The following AMACR variants were observed in gnomAD, a reference collection of about 807,000 sequenced individuals.
The protein encoded by AMACR is 2-methylacyl-CoA racemase.
Under a neutral mutation model 22.2 loss-of-function variants are expected in AMACR, and 18 were observed. The ratio of observed to expected loss-of-function variants is 0.81; its 90% CI spans 0.56 to 1.20. The LOEUF is 1.20. AMACR is among the 50% of genes most tolerant of loss of function. The probability of loss-of-function intolerance (pLI) is 0.00; values close to 1 mark genes in which losing one functional copy is unlikely to be tolerated. For synonymous variants in AMACR, 213 were observed against 191.3 expected, an observed-to-expected ratio of 1.11 and a Z score of -0.94; for missense variants, 499 against 490.6, an observed-to-expected ratio of 1.02 and a Z score of -0.16.
chr5:33,986,584 C>A lies in AMACR; in HGVS notation c.*2509G>T, dbSNP rs1005135076. On this transcript the variant is annotated 3_prime_UTR_variant, in exon 5 of 5. Transcript: ENST00000335606. The stretch of plus-strand genomic sequence containing the variant: ...CTTTGGTGCTCTTTATCTTATGGGG[C>A]TACATTTCCAGGGTTCCCTTGTTTT... 6.6e-6 allele frequency: 1 copy of A among 152,220 alleles called. No homozygotes were observed. Among genetic ancestry groups the A allele is most frequent in the Admixed American group, 6.5e-5 (1 of 15,284 alleles). The allele number at this position is 152,220 out of a possible 1,614,324, so 9.4% of individuals were successfully genotyped here.
intron 1 of AMACR, 112 bp from the exon 2 acceptor site, chr5:34,006,011 T>A: frequency 7.8e-7 from 1 of 1,287,288 alleles, no homozygotes; most frequent in Non-Finnish European, 1.1e-6. Flanking sequence ...TAATAACATT[T>A]GCTGTAGGCT....
At chr5:34,005,312 T>TG (rs1301536257) in intron 2 of AMACR, among the ~76,000 whole-genome samples, 1 of 151,978 alleles carries the variant, frequency 6.6e-6, no homozygotes, top group Non-Finnish European at 1.5e-5. Flanking sequence ...CCATGGGCTT[T>TG]TTTTAGTGCT....
intron 4 of AMACR, among the ~76,000 whole-genome samples, chr5:33,990,101 T>C (rs1753430340): frequency 1.3e-5 from 2 of 151,990 alleles, no homozygotes; most frequent in Admixed American, 1.3e-4. Flanking sequence ...GCCCAGGAGT[T>C]CAAGGCCCAG....
At chr5:33,997,479 G>T (rs544292559) in intron 4 of AMACR, 1 of 779,682 alleles carries the variant, frequency 1.3e-6, no homozygotes, top group South Asian at 1.3e-5. Context: ...GCACGATACT[G>T]CTTCCTGTTG....
chr5:33,986,664 G>A lies in AMACR; in HGVS notation c.*2429C>T, dbSNP rs1199423049. On this transcript the variant is annotated 3_prime_UTR_variant, in exon 5 of 5. Transcript: ENST00000335606. ...AGACACTGGTAGGAAGACTAGGGGA[G>A]AGAGAGAAGGAAAGAAGCCAGGATA... 6.6e-6 allele frequency: 1 copy of A among 152,210 alleles called. No individual in the cohort carries two copies. Among genetic ancestry groups the A allele is most frequent in the African/African-American group, 2.4e-5 (1 of 41,444 alleles). 9.4% of individuals were successfully genotyped at this position (152,210 alleles called of 1,614,324 possible).
intron 4 of AMACR, among the ~76,000 whole-genome samples, chr5:33,993,187 G>C (rs1753535531): frequency 6.6e-6 from 1 of 152,006 alleles, no homozygotes; most frequent in South Asian, 2.1e-4. Context: ...TTAGCCCTTT[G>C]GTGACTGACT....
intron 4 of AMACR, among the ~76,000 whole-genome samples, chr5:33,997,979 TCA>T (rs1172542866): frequency 6.6e-6 from 1 of 152,198 alleles, no homozygotes; most frequent in Non-Finnish European, 1.5e-5. Context: ...TCACATCACT[TCA>T]GAGTATATTC....
chr5:33,991,630 T>G (rs998085828), intron 4 of AMACR, among the ~76,000 whole-genome samples: 4 of 152,054 alleles, frequency 2.6e-5, no homozygotes, highest in African/African-American at 9.7e-5. Context: ...GCCATAAACT[T>G]TACTGCTTTA....
chr5:33,996,061 T>C (rs1753623326), intron 4 of AMACR, among the ~76,000 whole-genome samples: 1 of 152,040 alleles, frequency 6.6e-6, no homozygotes, highest in Non-Finnish European at 1.5e-5. Context: ...CCCAGAGAAC[T>C]GTCATTATTT....
chr5:33,997,075 AC>A, intron 4 of AMACR: 1 of 744,528 alleles, frequency 1.3e-6, no homozygotes, highest in South Asian at 1.4e-5. Context: ...CTTAGGTTTT[AC>A]CCATTCATCA....
At chr5:34,005,638 CTT>C (rs1753948860) in intron 2 of AMACR, 116 bp downstream of exon 2, 1 of 1,293,510 alleles carries the variant, frequency 7.7e-7, no homozygotes. Context: ...CCCATGCTCT[CTT>C]GATTGATTCT....
At chr5:33,997,725 T>A (rs940062335) in intron 4 of AMACR, 47 of 568,918 alleles carry the variant, frequency 8.3e-5, no homozygotes, top group Admixed American at 7.0e-5. Flanking sequence ...CATTGTGTTC[T>A]TCTATAGTTT....
intron 4 of AMACR, among the ~76,000 whole-genome samples, chr5:33,992,443 C>G (rs1447876630): frequency 6.6e-6 from 1 of 151,666 alleles, no homozygotes; most frequent in Admixed American, 6.6e-5. Flanking sequence ...TGTAGTGGCT[C>G]ACGCCTGTAA....
At chr5:33,997,181 A>G (rs1753664069) in intron 4 of AMACR, 1 of 752,750 alleles carries the variant, frequency 1.3e-6, no homozygotes, top group Non-Finnish European at 2.5e-6. Flanking sequence ...CTGTTTTGTC[A>G]TACCCTATAT....
chr5:34,007,201 G>GACC (rs1350179514), intron 1 of AMACR, among the ~76,000 whole-genome samples: 1 of 152,238 alleles, frequency 6.6e-6, no homozygotes, highest in African/African-American at 2.4e-5. Context: ...CGATGCCCAG[G>GACC]ACCTGTGTAT....
In AMACR at chr5:33,988,218, CTTCT is replaced by C; in HGVS notation, c.*871_*874del. ...TGGTTTTATGTAAAGACAATCCCGT[CTTCT>C]TTGTCAAAGACAGGTATAAGAAAGG... On this transcript the variant is annotated 3_prime_UTR_variant, in exon 5 of 5. Transcript: ENST00000335606. 3.3e-6 allele frequency: 4 copies of C among 1,205,558 alleles called. No individual in the cohort carries two copies. Among genetic ancestry groups the C allele is most frequent in the Middle Eastern group, 3.8e-4 (2 of 5,226 alleles). The allele number at this position is 1,205,558 out of a possible 1,614,324, so 74.7% of individuals were successfully genotyped here.
intron 4 of AMACR, among the ~76,000 whole-genome samples, chr5:33,992,066 A>G (rs1434466194): frequency 6.6e-6 from 1 of 151,958 alleles, no homozygotes; most frequent in Non-Finnish European, 1.5e-5. Flanking sequence ...TTTTTAGTAG[A>G]GATGGGGTTT....
intron 4 of AMACR, among the ~76,000 whole-genome samples, chr5:33,994,468 G>A (rs906866831): frequency 5.3e-5 from 8 of 152,138 alleles, no homozygotes; most frequent in South Asian, 4.1e-4. Context: ...CATAGCCATC[G>A]CACCTGGCCC....
rs1753957978 is a variant in AMACR at position 34,005,883 on chromosome 5, G to T, written c.264C>A (p.Leu88=). The T allele has an allele frequency of 6.2e-7, 1 of 1,614,148 alleles. No individual in the cohort carries two copies. The highest frequency in any genetic ancestry group is 8.5e-7 in the Non-Finnish European group (1 of 1,180,028). The stretch of plus-strand genomic sequence containing the variant: ...GCTGCAGAATCTCTGGGCCCAGCTG[G>T]AGTTTCTCCATGACACCTTAAGAGA... The part of the protein sequence containing the change: ...EPFRRGVMEK[L]QLGPEILQRE... Residue 88 remains leucine (L), a synonymous_variant, in exon 2 of 5, where the codon CTC becomes CTA. Transcript: ENST00000335606.
Sources: allele counts gnomAD v4.1 joint callset (sites outside exome capture counted in the v4.1 genomes callset), GRCh38; gene constraint gnomAD v4.1.1; transcripts MANE v1.5; gene names NCBI Gene and HGNC (gene_info 2026-07-23, HGNC 2026-07-21).